The following XPR1 variants were observed in gnomAD, a reference collection of about 807,000 sequenced individuals.
XPR1 encodes the protein solute carrier family 53 member 1.
A neutral mutation model predicts 87.5 loss-of-function variants in XPR1; 28 were observed. The ratio of observed to expected loss-of-function variants is 0.32; its 90% CI spans 0.24 to 0.44. The LOEUF (loss-of-function observed/expected upper bound fraction) is 0.44. Ranked by LOEUF, XPR1 falls within the 20% of genes least tolerant of loss-of-function variation. XPR1 has a pLI of 1.00. For synonymous variants in XPR1, 300 were observed against 306.1 expected, an observed-to-expected ratio of 0.98 and a Z score of 0.21; for missense variants, 559 against 862.3, an observed-to-expected ratio of 0.65 and a Z score of 4.41.
intron 6 of XPR1, among the ~76,000 whole-genome samples, chr1:180,808,852 G>T (rs958880894): frequency 1.3e-5 from 2 of 152,172 alleles, no homozygotes; most frequent in Admixed American, 1.3e-4. Context: ...AATGTATAAT[G>T]AATAAGCACA....
chr1:180,720,636 C>G (rs1658149515), intron 2 of XPR1, among the ~76,000 whole-genome samples: 1 of 152,088 alleles, frequency 6.6e-6, no homozygotes, highest in South Asian at 2.1e-4. Context: ...CACCTGGGTA[C>G]TTGTTATAAA....
intron 2 of XPR1, among the ~76,000 whole-genome samples, chr1:180,683,820 T>G (rs12751213): frequency 1.3e-5 from 2 of 151,114 alleles, no homozygotes; most frequent in Non-Finnish European, 1.5e-5. Flanking sequence ...GTTGTTTTTT[T>G]CTTGTAAATT....
At chr1:180,736,672 A>G (rs762552551) in intron 2 of XPR1, among the ~76,000 whole-genome samples, 10 of 152,200 alleles carry the variant, frequency 6.6e-5, no homozygotes, top group Non-Finnish European at 1.2e-4. Flanking sequence ...AAGTGACTTT[A>G]TAAGGAGACA....
chr1:180,834,304 T>A (rs976739475), intron 9 of XPR1, among the ~76,000 whole-genome samples: 6 of 152,176 alleles, frequency 3.9e-5, no homozygotes, highest in African/African-American at 1.4e-4. Flanking sequence ...GGTCTCGAAC[T>A]CCTGACCTCA....
chr1:180,829,909 C>G (rs1449224416), intron 9 of XPR1, among the ~76,000 whole-genome samples: 1 of 151,756 alleles, frequency 6.6e-6, no homozygotes, highest in Non-Finnish European at 1.5e-5. Flanking sequence ...CATTATCTCC[C>G]TCTTCTGCTC....
intron 1 of XPR1, among the ~76,000 whole-genome samples, chr1:180,680,238 A>C (rs1219059814): frequency 6.6e-6 from 1 of 151,838 alleles, no homozygotes; most frequent in African/African-American, 2.4e-5. Context: ...AAACAAAAAC[A>C]ATAAAAATGC....
chr1:180,676,184 T>TGTTAATC (rs775710459), intron 1 of XPR1, among the ~76,000 whole-genome samples: 1 of 152,238 alleles, frequency 6.6e-6, no homozygotes, highest in Non-Finnish European at 1.5e-5. Context: ...TAATGTGCTT[T>TGTTAATC]GTTAATCATC....
chr1:180,817,720 A>G (rs1428577968), intron 7 of XPR1, among the ~76,000 whole-genome samples: 1 of 152,212 alleles, frequency 6.6e-6, no homozygotes, highest in African/African-American at 2.4e-5. Flanking sequence ...AAGAATACAT[A>G]TTACATGATT....
intron 13 of XPR1, among the ~76,000 whole-genome samples, chr1:180,875,818 TAAGACTGATAAAGCAAAA>T (rs1652642789): frequency 6.6e-6 from 1 of 152,016 alleles, no homozygotes; most frequent in South Asian, 2.1e-4. Context: ...ATAAAGTACT[TAAGACTGATAAAGCAAAA>T]AAGAAAAGGA....
chr1:180,876,469 C>G (rs906654199), intron 13 of XPR1, among the ~76,000 whole-genome samples: 31 of 152,188 alleles, frequency 2.0e-4, no homozygotes, highest in African/African-American at 7.0e-4. Context: ...AACCCCATCT[C>G]TACTAAAAAT....
chr1:180,709,227 A>G (rs1385903249), intron 2 of XPR1, among the ~76,000 whole-genome samples: 1 of 152,214 alleles, frequency 6.6e-6, no homozygotes, highest in Non-Finnish European at 1.5e-5. Context: ...TAAGCATGTA[A>G]AGTTTTAAAG....
At chr1:180,715,065 G>A (rs1657941893) in intron 2 of XPR1, among the ~76,000 whole-genome samples, 1 of 152,168 alleles carries the variant, frequency 6.6e-6, no homozygotes, top group Non-Finnish European at 1.5e-5. Flanking sequence ...GGAAAAGGGA[G>A]AACAAGATTT....
chr1:180,888,213 A>G lies in XPR1; in HGVS notation c.*4147A>G, dbSNP rs182155186. On this transcript the variant is annotated 3_prime_UTR_variant, in exon 15 of 15. Transcript: ENST00000367590. ...GAAATAATTATTTATTCCCAAATGC[A>G]GTTTTCTAAGCAGTGACCACAAAAA... 1 of 152,152 alleles carries G rather than the reference A, an allele frequency of 6.6e-6. No individual in the cohort carries two copies. Among genetic ancestry groups the G allele is most frequent in the East Asian group, 1.9e-4 (1 of 5,198 alleles). The allele number at this position is 152,152 out of a possible 1,614,324, so 9.4% of individuals were successfully genotyped here. A position where few individuals can be genotyped will look rare whatever the true frequency, so the allele number is the denominator to read the frequency against.
intron 11 of XPR1, among the ~76,000 whole-genome samples, chr1:180,841,097 G>A (rs7349119): frequency 0.51 from 78,188 of 151,864 alleles, 21,066 homozygotes; most frequent in African/African-American, 0.63. Flanking sequence ...GGTAAATTTT[G>A]TTTGTTTTTA....
At chr1:180,698,563 C>T (rs934751136) in intron 2 of XPR1, among the ~76,000 whole-genome samples, 4 of 151,970 alleles carry the variant, frequency 2.6e-5, no homozygotes, top group African/African-American at 4.8e-5. Context: ...ACATTTGTCT[C>T]CATTTTCTTT....
At chr1:180,735,241 T>C (rs1658690973) in intron 2 of XPR1, among the ~76,000 whole-genome samples, 2 of 152,348 alleles carry the variant, frequency 1.3e-5, no homozygotes, top group Non-Finnish European at 2.9e-5. Context: ...GATTTGAGTA[T>C]TCCATTATGG....
At chr1:180,681,384 G>T (rs948184061) in intron 1 of XPR1, among the ~76,000 whole-genome samples, 1 of 152,152 alleles carries the variant, frequency 6.6e-6, no homozygotes, top group African/African-American at 2.4e-5. Flanking sequence ...AGTGGCTCAC[G>T]CCTGTAATCC....
intron 11 of XPR1, among the ~76,000 whole-genome samples, chr1:180,850,649 G>A (rs920627248): frequency 3.3e-5 from 5 of 152,198 alleles, no homozygotes; most frequent in African/African-American, 1.2e-4. Flanking sequence ...GAGCACTTGA[G>A]ACACTGTGTA....
intron 2 of XPR1, among the ~76,000 whole-genome samples, chr1:180,770,299 G>A (rs975441387): frequency 6.6e-6 from 1 of 152,186 alleles, no homozygotes; most frequent in Non-Finnish European, 1.5e-5. Flanking sequence ...CTGGAGTCTG[G>A]AAGTGTAAGA....
Sources: allele counts gnomAD v4.1 joint callset (sites outside exome capture counted in the v4.1 genomes callset), GRCh38; gene constraint gnomAD v4.1.1; transcripts MANE v1.5; gene names NCBI Gene and HGNC (gene_info 2026-07-23, HGNC 2026-07-21).